Variants in CLSTN3 observed in about 807,000 individuals in gnomAD.
CLSTN3 encodes the protein calsyntenin-3.
CLSTN3 carries 36 observed loss-of-function variants against 95.9 expected under a neutral mutation model. The observed-to-expected ratio is 0.38, with a 90% CI of 0.29 to 0.50. The LOEUF is 0.50. CLSTN3 is among the 20% of genes least tolerant of loss of function. CLSTN3 has a pLI of 0.95. For synonymous variants in CLSTN3, 481 were observed against 504.0 expected (o/e 0.95, Z 0.61); for missense variants, 1,084 against 1,268.8 (o/e 0.85, Z 2.21).
At chr12:7,131,070 C>T in intron 1 of CLSTN3, 1 of 425,146 alleles carries the variant, frequency 2.4e-6, no homozygotes, top group Non-Finnish European at 4.4e-6. Flanking sequence ...TAGGCCTCTC[C>T]CCGCGGCTCT....
chr12:7,130,728 G>T lies in CLSTN3; in HGVS notation c.64+16G>T. 2 of 1,555,902 alleles carry T rather than the reference G, an allele frequency of 1.3e-6. No individual in the cohort carries two copies. Among genetic ancestry groups the T allele is most frequent in the East Asian group, 2.4e-5 (1 of 42,060 alleles). On this transcript the variant is annotated intron_variant, in intron 1 of 17. Transcript: ENST00000266546. ...TGTAACAAAGGTGAGTGAGGTGGGG[G>T]TGGGGGTACCGAAAGAGGGGCGTCG... is the stretch of plus-strand genomic sequence containing the variant.
intron 3 of CLSTN3, among the ~76,000 whole-genome samples, chr12:7,134,586 G>A (rs1939368181): frequency 1.3e-5 from 2 of 152,256 alleles, no homozygotes; most frequent in South Asian, 4.1e-4. Flanking sequence ...GACTAGGGAG[G>A]GGCCGCATGT....
chr12:7,155,746 C>G (rs1939804298), intron 16 of CLSTN3, among the ~76,000 whole-genome samples: 1 of 152,246 alleles, frequency 6.6e-6, no homozygotes, highest in South Asian at 2.1e-4. Flanking sequence ...GGAGTGTGCC[C>G]CAGCAGAGTC....
upstream of CLSTN3, chr12:7,130,295 GCACCTGGTCCCCCCCCCTCCCAGT>G: frequency 1.2e-6 from 1 of 855,008 alleles, no homozygotes; most frequent in Non-Finnish European, 1.6e-6. Flanking sequence ...CCCCGCTGCA[GCACCTGGTCCCCCCCCCTCCCAGT>G]CACCTGATTG....
At chr12:7,156,877 G>C (rs1868800) in intron 16 of CLSTN3, 261,535 of 453,672 alleles carry the variant, frequency 0.58, 77,719 homozygotes, top group Admixed American at 0.7. Flanking sequence ...AGACGTCCCG[G>C]AGCCCCAAGC....
chr12:7,152,633 A>G (rs1293256656), intron 16 of CLSTN3, among the ~76,000 whole-genome samples: 1 of 152,202 alleles, frequency 6.6e-6, no homozygotes, highest in Non-Finnish European at 1.5e-5. Context: ...TTATTTCAAT[A>G]TATGTGATGG....
At chr12:7,136,503 CAT>C (rs1004931587) in intron 6 of CLSTN3, 112 bp downstream of exon 6, 1 of 1,097,102 alleles carries the variant, frequency 9.1e-7, no homozygotes, top group African/African-American at 1.6e-5. Context: ...GGTGTTTATC[CAT>C]AGAGGTTGTG....
At chr12:7,154,651 C>G (rs1939785845) in intron 16 of CLSTN3, among the ~76,000 whole-genome samples, 1 of 152,092 alleles carries the variant, frequency 6.6e-6, no homozygotes, top group African/African-American at 2.4e-5. Flanking sequence ...AAATTATACC[C>G]TAGAATGTCT....
At chr12:7,140,143 A>G (rs1591616223) in intron 8 of CLSTN3, among the ~76,000 whole-genome samples, 1 of 152,156 alleles carries the variant, frequency 6.6e-6, no homozygotes, top group East Asian at 1.9e-4. Context: ...GATCAACAGC[A>G]CCTGCTAATG....
rs758870677 is a variant in CLSTN3 at position 7,136,375 on chromosome 12, G to T, written c.912G>T (p.Ala304=). The change falls in exon 6 of 18, where the codon GCG becomes GCT. Residue 304 remains alanine, a synonymous_variant. Coordinates refer to ENST00000266546, the MANE Select transcript of CLSTN3 (RefSeq NM_014718.4). ...ACCGTGACAACTACTCAGAGCGGGCGCTGCGGAAACTCTGTGGTAGGTGTG... is the reference window on the plus strand; with the variant it reads ...ACCGTGACAACTACTCAGAGCGGGCTCTGCGGAAACTCTGTGGTAGGTGTG... The part of the protein sequence containing the change: ...GCDRDNYSER[A]LRKLCGAATG... 1 of 1,611,916 alleles carries T rather than the reference G, an allele frequency of 6.2e-7. No individual in the cohort carries two copies. The highest frequency in any genetic ancestry group is 1.7e-5 in the Admixed American group (1 of 59,760).
Position 7,130,680 on chromosome 12 carries a change from C to G in CLSTN3, c.32C>G (p.Ala11Gly). Reference sequence around the variant, plus strand: ...CTCCTGCTGCTGCCCCTTCTGCTGGCCTCTCTGCTCGCGTCCTGCTCCTGT... The same window carrying G: ...CTCCTGCTGCTGCCCCTTCTGCTGGGCTCTCTGCTCGCGTCCTGCTCCTGT... MTLLLLPLLL[A>G]SLLASCSCNK... The change falls in exon 1 of 18, where the codon GCC (alanine) becomes GGC (glycine). Residue 11 changes from alanine (A) to glycine (G), a missense_variant. Physicochemically the swap from Ala to Gly is moderately conservative, Grantham distance 60. Coordinates refer to ENST00000266546, the MANE Select transcript of CLSTN3 (RefSeq NM_014718.4). The G allele has an allele frequency of 1.3e-6, 2 of 1,574,998 alleles. No homozygotes were observed. Among genetic ancestry groups the G allele is most frequent in the Non-Finnish European group, 1.7e-6 (2 of 1,159,128 alleles).
In CLSTN3 at chr12:7,142,942, G is replaced by A. The variant is rs1199009007; in HGVS notation, c.1614G>A (p.Glu538=). 3 of 1,614,028 alleles carry A rather than the reference G, an allele frequency of 1.9e-6. No individual in the cohort carries two copies. The highest frequency in any genetic ancestry group is 1.7e-5 in the Admixed American group (1 of 59,994). ...TCAGCGTGCGCTCAGGTCGCCTGGA[G>A]AGCCGCGAGGTCATCGAGTGCCTCT... ...AGFSVRSGRL[E]SREVIECLYA... Residue 538 remains glutamate (E), a synonymous_variant, in exon 11 of 18, where the codon GAG becomes GAA. Transcript: ENST00000266546.
intron 12 of CLSTN3, among the ~76,000 whole-genome samples, chr12:7,145,641 A>G (rs1321308168): frequency 1.3e-5 from 2 of 151,598 alleles, no homozygotes; most frequent in South Asian, 2.1e-4. Context: ...TACCACATCT[A>G]TTTCTCTAGT....
intron 1 of CLSTN3, 142 bp from the exon 2 acceptor site, chr12:7,132,882 C>A (rs1288023134): frequency 8.9e-7 from 1 of 1,118,978 alleles, no homozygotes; most frequent in Non-Finnish European, 1.3e-6. Flanking sequence ...TCCTCAACCA[C>A]CCGCCTCCTG....
Position 7,157,940 on chromosome 12 carries a change from G to A in CLSTN3, c.2731-1G>A, listed in dbSNP as rs1276019474. 1.9e-6 allele frequency: 3 copies of A among 1,550,902 alleles called. No homozygotes were observed. The highest frequency in any genetic ancestry group is 3.9e-5 in the Admixed American group (2 of 50,990). ...TTCTCCTCTCTGTTCCTGCCCTCCA[G>A]TCCTACCAGAATCGGCAGTCCTGTG... On this transcript the variant is annotated splice_acceptor_variant, in intron 17 of 17. Coordinates refer to ENST00000266546, the MANE Select transcript of CLSTN3 (RefSeq NM_014718.4). LOFTEE classifies it high-confidence loss of function. The surrounding 1 kb of genome is among the most constrained non-coding windows in gnomAD (Gnocchi z 5.9).
At chr12:7,153,877 A>G (rs939435483) in intron 16 of CLSTN3, among the ~76,000 whole-genome samples, 1 of 152,236 alleles carries the variant, frequency 6.6e-6, no homozygotes, top group East Asian at 1.9e-4. Context: ...GCTGCCCTGC[A>G]TGGGCTGGTC....
upstream of CLSTN3, chr12:7,130,164 C>G (rs1939253666): frequency 1.9e-5 from 4 of 213,956 alleles, no homozygotes; most frequent in South Asian, 2.4e-4. Flanking sequence ...TTCCCACCCC[C>G]TCCGTGGCTC....
Position 7,158,241 on chromosome 12 carries a change from T to C in CLSTN3, c.*160T>C. 1 of 840,734 alleles carries C rather than the reference T, an allele frequency of 1.2e-6. No individual in the cohort carries two copies. Among genetic ancestry groups the C allele is most frequent in the Non-Finnish European group, 1.7e-6 (1 of 573,844 alleles). The allele number at this position is 840,734 out of a possible 1,614,324, so 52.1% of individuals were successfully genotyped here. The stretch of plus-strand genomic sequence containing the variant: ...CAAAACCCCAGCGGGCCCTCTGGAG[T>C]CCGCCCTGCCCCTCCCCCGGCCCCC... On this transcript the variant is annotated 3_prime_UTR_variant, in exon 18 of 18. Transcript: ENST00000266546.
Position 7,158,235 on chromosome 12 carries a change from C to A in CLSTN3, c.*154C>A, listed in dbSNP as rs1286052016. 10 of 898,390 alleles carry A rather than the reference C, an allele frequency of 1.1e-5. No individual in the cohort carries two copies. The highest frequency in any genetic ancestry group is 1.6e-5 in the Non-Finnish European group (10 of 624,978). The allele number at this position is 898,390 out of a possible 1,614,324, so 55.7% of individuals were successfully genotyped here. The stretch of plus-strand genomic sequence containing the variant: ...TCATTTCAAAACCCCAGCGGGCCCT[C>A]TGGAGTCCGCCCTGCCCCTCCCCCG... On this transcript the variant is annotated 3_prime_UTR_variant, in exon 18 of 18. Transcript: ENST00000266546.
Sources: gnomAD v4.1 joint callset for allele counts (sites outside exome capture counted in the v4.1 genomes callset) on GRCh38, gnomAD v4.1.1 for gene constraint, Gnocchi (gnomAD v3.1) non-coding constraint, MANE v1.5 for transcripts, NCBI Gene and HGNC (gene_info 2026-07-23, HGNC 2026-07-21) for gene names.